The following CBFB variants were observed in gnomAD, a reference collection of about 807,000 sequenced individuals.
CBFB encodes the protein core-binding factor subunit beta.
CBFB carries 9 observed loss-of-function variants against 30.4 expected under a neutral mutation model. That is an observed-to-expected ratio of 0.30 (90% CI 0.18 to 0.52). The LOEUF is 0.52. CBFB is among the 20% of genes least tolerant of loss of function. The probability of loss-of-function intolerance (pLI) is 0.97; values close to 1 mark genes in which losing one functional copy is unlikely to be tolerated. For missense variants in CBFB, 170 were observed against 244.0 expected (o/e 0.70, Z 2.02); for synonymous variants, 94 against 84.0 (o/e 1.12, Z -0.65).
At chr16:67,093,599 G>A (rs984373632) in intron 5 of CBFB, 3 of 152,128 alleles carry the variant, frequency 2.0e-5, no homozygotes, top group Admixed American at 6.5e-5. Context: ...GATATACTGA[G>A]AGAAAACAGG....
intron 5 of CBFB, among the ~76,000 whole-genome samples, chr16:67,098,202 C>A (rs1489829615): frequency 6.6e-6 from 1 of 152,126 alleles, no homozygotes; most frequent in East Asian, 1.9e-4. Flanking sequence ...GTGGTGCGAT[C>A]TCAGCTCACG....
intron 5 of CBFB, among the ~76,000 whole-genome samples, chr16:67,084,311 A>G (rs1438605519): frequency 6.6e-6 from 1 of 152,198 alleles, no homozygotes; most frequent in Non-Finnish European, 1.5e-5. Flanking sequence ...CATTTCATAC[A>G]AGAAGAAATA....
At chr16:67,050,918 AATGGACAC>A (rs1966728251) in intron 3 of CBFB, among the ~76,000 whole-genome samples, 2 of 152,208 alleles carry the variant, frequency 1.3e-5, no homozygotes, top group Admixed American at 6.5e-5. Flanking sequence ...CTAAGTAACT[AATGGACAC>A]ATTCCTTATA....
At chr16:67,079,703 C>T (rs1475609523) in intron 4 of CBFB, among the ~76,000 whole-genome samples, 1 of 152,018 alleles carries the variant, frequency 6.6e-6, no homozygotes, top group Non-Finnish European at 1.5e-5. Context: ...CTTGGAAGCC[C>T]CATTAGGTGA....
intron 5 of CBFB, among the ~76,000 whole-genome samples, chr16:67,092,421 TG>T (rs1400621901): frequency 1.3e-5 from 2 of 152,094 alleles, no homozygotes; most frequent in African/African-American, 4.8e-5. Context: ...TAATGCCAAT[TG>T]TAAGTTAAAG....
chr16:67,090,389 T>C (rs1211600285), intron 5 of CBFB, among the ~76,000 whole-genome samples: 1 of 152,246 alleles, frequency 6.6e-6, no homozygotes, highest in African/African-American at 2.4e-5. Context: ...TAGCACCTTT[T>C]CTGTCTGAGA....
At chr16:67,030,474 C>G (rs559641823) in intron 2 of CBFB, among the ~76,000 whole-genome samples, 1 of 151,888 alleles carries the variant, frequency 6.6e-6, no homozygotes, top group African/African-American at 2.4e-5. Context: ...AGATTTAGTG[C>G]GTCTTCACCA....
At position 67,029,755 on chromosome 16, in the gene CBFB, C is replaced by T. The variant is rs1189096167; in HGVS notation, c.107C>T (p.Pro36Leu). 1 of 1,596,812 alleles carries T rather than the reference C, an allele frequency of 6.3e-7. No homozygotes were observed. Among genetic ancestry groups the T allele is most frequent in the South Asian group, 1.1e-5 (1 of 89,046 alleles). ...AAGTACACGGGCTTCAGGGACCGGC[C>T]CCACGAGGAACGCCAGGCACGCTTC... ...EIKYTGFRDR[P>L]HEERQARFQN... Residue 36 changes from proline (P) to leucine (L), a missense_variant, in exon 2 of 6, where the codon CCC becomes CTC. Coordinates refer to ENST00000412916, the MANE Select transcript of CBFB (RefSeq NM_022845.3).
intron 3 of CBFB, among the ~76,000 whole-genome samples, chr16:67,050,957 A>G (rs1178713890): frequency 6.6e-6 from 1 of 152,188 alleles, no homozygotes; most frequent in Non-Finnish European, 1.5e-5. Flanking sequence ...GTGCTGGACA[A>G]AGAGATGATT....
intron 3 of CBFB, among the ~76,000 whole-genome samples, chr16:67,063,102 G>C (rs1267605160): frequency 6.6e-6 from 1 of 152,138 alleles, no homozygotes; most frequent in East Asian, 1.9e-4. Context: ...GATGAAATAA[G>C]GGGTATTGTT....
intron 2 of CBFB, among the ~76,000 whole-genome samples, chr16:67,031,952 A>G (rs150460136): frequency 6.6e-6 from 1 of 152,170 alleles, no homozygotes; most frequent in East Asian, 1.9e-4. Context: ...TCAGCCTCCC[A>G]ATAGCTGGGA....
chr16:67,094,561 G>A (rs894672821), intron 5 of CBFB, among the ~76,000 whole-genome samples: 2 of 152,128 alleles, frequency 1.3e-5, no homozygotes, highest in African/African-American at 4.8e-5. Flanking sequence ...AGACACAAAA[G>A]CTGAAATACT....
chr16:67,033,687 C>G (rs1412077552), intron 2 of CBFB, among the ~76,000 whole-genome samples: 2 of 151,154 alleles, frequency 1.3e-5, no homozygotes, highest in East Asian at 3.9e-4. Flanking sequence ...TCTCGGCTCA[C>G]TGCAAGCTCC....
chr16:67,079,574 G>A (rs1961499878), intron 4 of CBFB, among the ~76,000 whole-genome samples: 1 of 125,140 alleles, frequency 8.0e-6, no homozygotes, highest in Non-Finnish European at 1.6e-5. Flanking sequence ...TAATCTTGCT[G>A]CTGTACCATG....
At chr16:67,048,113 G>A (rs1039668521) in intron 3 of CBFB, among the ~76,000 whole-genome samples, 1 of 152,016 alleles carries the variant, frequency 6.6e-6, no homozygotes, top group Admixed American at 6.6e-5. Context: ...GGTGTCGCAT[G>A]CCTCTGGTTC....
At chr16:67,096,286 G>A (rs1279477894) in intron 5 of CBFB, among the ~76,000 whole-genome samples, 1 of 151,732 alleles carries the variant, frequency 6.6e-6, no homozygotes, top group African/African-American at 2.4e-5. Flanking sequence ...ACTCCAGCCT[G>A]GAAAACAGAG....
At chr16:67,074,733 A>T (rs746078556) in intron 4 of CBFB, among the ~76,000 whole-genome samples, 3 of 152,148 alleles carry the variant, frequency 2.0e-5, no homozygotes, top group Non-Finnish European at 4.4e-5. Flanking sequence ...GTGACCTTGG[A>T]GTAGGCAAAA....
At chr16:67,075,743 G>A (rs1417831996) in intron 4 of CBFB, among the ~76,000 whole-genome samples, 1 of 152,144 alleles carries the variant, frequency 6.6e-6, no homozygotes, top group Non-Finnish European at 1.5e-5. Context: ...TATAAAGTGC[G>A]TGGTCACACA....
At chr16:67,036,421 T>C in intron 2 of CBFB, 1 of 486,462 alleles carries the variant, frequency 2.1e-6, no homozygotes, top group Non-Finnish European at 3.7e-6. Flanking sequence ...CATGTCTGAT[T>C]TTATACTTAA....
Sources: gnomAD v4.1 joint callset for allele counts (sites outside exome capture counted in the v4.1 genomes callset) on GRCh38, gnomAD v4.1.1 for gene constraint, MANE v1.5 for transcripts, NCBI Gene and HGNC (gene_info 2026-07-23, HGNC 2026-07-21) for gene names.